SPON1: variants seen among roughly 807,000 people sequenced by gnomAD.
The protein encoded by SPON1 is spondin-1.
In SPON1, 52 loss-of-function variants were observed where a neutral mutation model predicts 111.7. The ratio of observed to expected loss-of-function variants is 0.47; its 90% confidence interval spans 0.37 to 0.59. The LOEUF (loss-of-function observed/expected upper bound fraction) is 0.59. Among genes scored for constraint, SPON1 ranks in the 20% least tolerant of loss-of-function variants. The pLI, the probability that SPON1 is intolerant of heterozygous loss-of-function variation, is 0.00. For missense variants in SPON1, 957 were observed against 1,068.5 expected, an observed-to-expected ratio of 0.90 and a Z score of 1.46; for synonymous variants, 410 against 395.8, an observed-to-expected ratio of 1.04 and a Z score of -0.43.
Position 14,198,417 on chromosome 11 carries a change from T to C in SPON1, c.826-44915T>C, listed in dbSNP as rs562274950. ...GATGTTGACTGCCTCTTGTTTTTGA[T>C]ACTGAGCCCTTATAAACTTAATAAA... On this transcript the variant is annotated intron_variant, in intron 6 of 15. Coordinates refer to ENST00000576479, the MANE Select transcript of SPON1 (RefSeq NM_006108.4). Among the ~76,000 whole-genome samples the C allele has an allele frequency of 3.9e-5, 6 of 152,362 alleles. No homozygotes were observed. In the South Asian group the frequency reaches 6.2e-4, roughly 16 times the overall value.
chr11:14,019,439 A>C (rs1554914594), intron 2 of SPON1, among the ~76,000 whole-genome samples: 3 of 151,004 alleles, frequency 2.0e-5, no homozygotes, highest in Non-Finnish European at 4.4e-5. Context: ...TATATATATA[A>C]TTTAGGTTCT....
intron 5 of SPON1, among the ~76,000 whole-genome samples, chr11:14,082,794 G>T (rs1190897613): frequency 1.3e-5 from 2 of 152,216 alleles, no homozygotes; most frequent in Admixed American, 6.5e-5. Flanking sequence ...CTGCAAAGAT[G>T]ATACTGTCTT....
At chr11:13,980,165 T>C (rs1413985153) in intron 1 of SPON1, among the ~76,000 whole-genome samples, 2 of 151,978 alleles carry the variant, frequency 1.3e-5, no homozygotes, top group Non-Finnish European at 2.9e-5. Context: ...CTCAGCCTCG[T>C]GAGTAGCTGG....
At chr11:14,108,921 A>G (rs980550337) in intron 5 of SPON1, among the ~76,000 whole-genome samples, 6 of 152,214 alleles carry the variant, frequency 3.9e-5, no homozygotes, top group Middle Eastern at 3.4e-3. Context: ...ATCTCTCTCT[A>G]TGTATCCTAG....
chr11:14,111,853 C>G (rs749411811), intron 5 of SPON1, among the ~76,000 whole-genome samples: 2 of 152,088 alleles, frequency 1.3e-5, no homozygotes, highest in Non-Finnish European at 2.9e-5. Flanking sequence ...CATCTTAACT[C>G]TTTTGAAATG....
chr11:14,137,009 G>A (rs1190208589), intron 6 of SPON1, among the ~76,000 whole-genome samples: 1 of 152,170 alleles, frequency 6.6e-6, no homozygotes, highest in Non-Finnish European at 1.5e-5. Flanking sequence ...AAGCTCCATG[G>A]TGTGGAATCT....
chr11:14,115,867 A>G (rs1163768997), intron 5 of SPON1, among the ~76,000 whole-genome samples: 1 of 152,178 alleles, frequency 6.6e-6, no homozygotes, highest in East Asian at 1.9e-4. Context: ...TCCACACCAA[A>G]AGAGATCTAA....
intron 4 of SPON1, among the ~76,000 whole-genome samples, chr11:14,076,890 C>T (rs1217384687): frequency 1.3e-5 from 2 of 152,208 alleles, no homozygotes; most frequent in Non-Finnish European, 2.9e-5. Flanking sequence ...ATGGACACCA[C>T]CACACGTGTC....
chr11:14,045,967 G>C (rs1420900108), intron 3 of SPON1, among the ~76,000 whole-genome samples: 1 of 152,050 alleles, frequency 6.6e-6, no homozygotes, highest in African/African-American at 2.4e-5. Context: ...ATATTTTATA[G>C]ATTTTAAAAT....
chr11:14,166,496 A>C lies in SPON1; in HGVS notation c.825+30928A>C, dbSNP rs192529430. Among the ~76,000 whole-genome samples the C allele has an allele frequency of 2.3e-3, 346 of 152,288 alleles. 1 individual carries two copies. The highest frequency in any genetic ancestry group is 7.5e-3 in the African/African-American group (313 of 41,562). On this transcript the variant is annotated intron_variant, in intron 6 of 15. Coordinates refer to ENST00000576479, the MANE Select transcript of SPON1 (RefSeq NM_006108.4). ...AGAGTCCTAGAAGTTTGGCTTTTTCATGTACTCCAATAGCACAATTTTTAA... is the reference window on the plus strand; with the variant it reads ...AGAGTCCTAGAAGTTTGGCTTTTTCCTGTACTCCAATAGCACAATTTTTAA...
chr11:13,965,372 C>T (rs1399254766), intron 1 of SPON1, among the ~76,000 whole-genome samples: 4 of 152,190 alleles, frequency 2.6e-5, no homozygotes, highest in African/African-American at 9.7e-5. Flanking sequence ...CCCAGCGTCT[C>T]TTTTCACACT....
intron 5 of SPON1, among the ~76,000 whole-genome samples, chr11:14,105,722 C>G (rs1233610863): frequency 1.3e-5 from 2 of 152,036 alleles, no homozygotes; most frequent in Non-Finnish European, 2.9e-5. Flanking sequence ...ATTTCTGAAA[C>G]CTTTGCTTCA....
At chr11:14,211,678 A>G (rs1450439196) in intron 6 of SPON1, among the ~76,000 whole-genome samples, 3 of 152,210 alleles carry the variant, frequency 2.0e-5, no homozygotes, top group Admixed American at 6.5e-5. Flanking sequence ...CTGCTTGTGT[A>G]TAATAATGTA....
intron 6 of SPON1, among the ~76,000 whole-genome samples, chr11:14,160,931 A>G (rs1591394212): frequency 4.5e-5 from 2 of 44,260 alleles, no homozygotes; most frequent in South Asian, 1.8e-3. Flanking sequence ...ATATTTATAT[A>G]TTTATATATA....
At chr11:14,210,725 G>A (rs369650767) in intron 6 of SPON1, among the ~76,000 whole-genome samples, 1 of 152,102 alleles carries the variant, frequency 6.6e-6, no homozygotes. Flanking sequence ...CTAGGGTTTT[G>A]ATGGTTTTAG....
intron 7 of SPON1, among the ~76,000 whole-genome samples, chr11:14,254,286 G>T (rs546035048): frequency 4.6e-5 from 7 of 152,252 alleles, no homozygotes; most frequent in South Asian, 4.1e-4. Context: ...GTCTCTGAAA[G>T]AAAAACAAAA....
At chr11:14,196,462 G>T (rs1272569326) in intron 6 of SPON1, among the ~76,000 whole-genome samples, 2 of 152,102 alleles carry the variant, frequency 1.3e-5, no homozygotes, top group East Asian at 1.9e-4. Flanking sequence ...GAGGTAAATT[G>T]TATGTTATAT....
intron 7 of SPON1, among the ~76,000 whole-genome samples, chr11:14,249,476 C>T (rs1488592579): frequency 1.3e-5 from 2 of 152,220 alleles, no homozygotes; most frequent in Non-Finnish European, 2.9e-5. Context: ...CTCCCTCAAA[C>T]CTTTCTCCAC....
intron 2 of SPON1, among the ~76,000 whole-genome samples, chr11:14,018,280 C>G (rs1848457234): frequency 6.6e-6 from 1 of 152,140 alleles, no homozygotes; most frequent in Non-Finnish European, 1.5e-5. Flanking sequence ...CTTAGTAGGT[C>G]CCAAATGGAA....
Sources: gnomAD v4.1 joint callset for allele counts (sites outside exome capture counted in the v4.1 genomes callset) on GRCh38, gnomAD v4.1.1 for gene constraint, MANE v1.5 for transcripts, NCBI Gene and HGNC (gene_info 2026-07-23, HGNC 2026-07-21) for gene names.